Variants in FHOD3 observed in about 807,000 individuals in gnomAD.
FHOD3 encodes the protein formin homology 2 domain containing 3.
A neutral mutation model predicts 173.0 loss-of-function variants in FHOD3; 90 were observed. That is an observed-to-expected ratio of 0.52 (90% CI 0.44 to 0.62). The LOEUF is 0.62. FHOD3 is among the 20% of genes least tolerant of loss of function. The pLI is 0.00. For synonymous variants in FHOD3, 828 were observed against 823.0 expected, an observed-to-expected ratio of 1.01 and a Z score of -0.10; for missense variants, 1,945 against 2,034.7, an observed-to-expected ratio of 0.96 and a Z score of 0.85.
At chr18:36,370,057 G>A (rs1019109191) in intron 2 of FHOD3, among the ~76,000 whole-genome samples, 1 of 152,136 alleles carries the variant, frequency 6.6e-6, no homozygotes, top group African/African-American at 2.4e-5. Flanking sequence ...GGTAGGGAAG[G>A]GTGAGAGGTC....
In FHOD3 at chr18:36,416,387, A is replaced by G. The variant is rs528021135; in HGVS notation, c.337+43643A>G. On this transcript the variant is annotated intron_variant, in intron 3 of 28. Transcript: ENST00000590592. ...CACTGAAATATGAACAGGTGGCTTG[A>G]ACGTTATTTAGGAAGTGTGATGAGT... Among the ~76,000 whole-genome samples, 4 of 152,250 alleles carry G rather than the reference A, an allele frequency of 2.6e-5. No homozygotes were observed. In the East Asian group the frequency reaches 5.8e-4, roughly 22 times the overall value.
At chr18:36,774,315 T>C (rs1333304041) in intron 28 of FHOD3, among the ~76,000 whole-genome samples, 2 of 152,244 alleles carry the variant, frequency 1.3e-5, no homozygotes, top group Admixed American at 6.5e-5. Context: ...AGACCAGTGA[T>C]GGCAGAAAGC....
At chr18:36,423,860 C>T (rs112350966) in intron 3 of FHOD3, among the ~76,000 whole-genome samples, 2,292 of 152,294 alleles carry the variant, frequency 0.015, 59 homozygotes, top group African/African-American at 0.052. Context: ...CTGTTTTTCA[C>T]GGCAATCATC....
At position 36,654,080 on chromosome 18, in the gene FHOD3, C is replaced by G. The variant is rs577474435; in HGVS notation, c.1721+664C>G. Among the ~76,000 whole-genome samples, 3 of 152,116 alleles carry G rather than the reference C, an allele frequency of 2.0e-5. No homozygotes were observed. The East Asian group carries it at 5.8e-4, about 29-fold the overall frequency. ...TGTCATTTAGGCAGTCAGTCACTTTCTCTCCTTACTGCACTCACCACACCC... is the reference window on the plus strand; with the variant it reads ...TGTCATTTAGGCAGTCAGTCACTTTGTCTCCTTACTGCACTCACCACACCC... On this transcript the variant is annotated intron_variant, in intron 13 of 28. Transcript: ENST00000590592.
intron 17 of FHOD3, among the ~76,000 whole-genome samples, chr18:36,698,563 C>T (rs1043112766): frequency 6.6e-6 from 1 of 152,046 alleles, no homozygotes; most frequent in Non-Finnish European, 1.5e-5. Context: ...GCACTACAGC[C>T]TGGGTAACAG....
Position 36,769,464 on chromosome 18 carries a change from C to A in FHOD3, c.4786+38C>A, listed in dbSNP as rs750290090. The A allele has an allele frequency of 1.9e-6, 3 of 1,599,502 alleles. No homozygotes were observed. The South Asian group carries it at 3.4e-5, about 18-fold the overall frequency. ...AAGGAGGGGCGAGCCTTCACCCCTACAGGGATCTGCCCTCCCATTCTACGT... is the reference window on the plus strand; with the variant it reads ...AAGGAGGGGCGAGCCTTCACCCCTAAAGGGATCTGCCCTCCCATTCTACGT... On this transcript the variant is annotated intron_variant, in intron 28 of 28. Transcript: ENST00000590592.
At chr18:36,734,992 G>C (rs1452912528) in intron 20 of FHOD3, among the ~76,000 whole-genome samples, 1 of 152,172 alleles carries the variant, frequency 6.6e-6, no homozygotes, top group East Asian at 1.9e-4. Context: ...TATTAAACCA[G>C]AAAATCATTT....
intron 3 of FHOD3, among the ~76,000 whole-genome samples, chr18:36,380,573 T>TTTCCTTTCCTTTCCTTTCCTTTCC (rs1568196202): frequency 4.9e-4 from 39 of 80,030 alleles, no homozygotes; most frequent in East Asian, 3.2e-3. Context: ...TTTTCTTTTC[T>TTTCCTTTCCTTTCCTTTCCTTTCC]TTTCTTTTCC....
chr18:36,560,424 G>A (rs1158172911), intron 5 of FHOD3, among the ~76,000 whole-genome samples: 2 of 152,202 alleles, frequency 1.3e-5, no homozygotes, highest in African/African-American at 2.4e-5. Flanking sequence ...CAGTAGGGAT[G>A]GCCTCAAACA....
At chr18:36,590,391 T>C (rs991418064) in intron 6 of FHOD3, among the ~76,000 whole-genome samples, 6 of 139,210 alleles carry the variant, frequency 4.3e-5, no homozygotes, top group African/African-American at 1.6e-4. Flanking sequence ...CATAGAATTC[T>C]TTTGATGGAA....
At chr18:36,659,603 A>G (rs530021665) in intron 14 of FHOD3, among the ~76,000 whole-genome samples, 13 of 152,296 alleles carry the variant, frequency 8.5e-5, no homozygotes, top group South Asian at 8.3e-4. Context: ...GGCTCTGTTC[A>G]TTGGTGTGTT....
At chr18:36,614,781 T>A (rs2033030719) in intron 9 of FHOD3, among the ~76,000 whole-genome samples, 1 of 152,138 alleles carries the variant, frequency 6.6e-6, no homozygotes, top group African/African-American at 2.4e-5. Flanking sequence ...GCATATTGGC[T>A]GTCTGTATAG....
At chr18:36,646,701 T>A (rs1790598416) in intron 10 of FHOD3, among the ~76,000 whole-genome samples, 1 of 152,216 alleles carries the variant, frequency 6.6e-6, no homozygotes, top group Non-Finnish European at 1.5e-5. Context: ...AGATGGACTC[T>A]ACAAATGTAA....
intron 14 of FHOD3, among the ~76,000 whole-genome samples, chr18:36,659,680 TTAGC>T (rs940596276): frequency 1.3e-5 from 2 of 152,184 alleles, no homozygotes; most frequent in Non-Finnish European, 2.9e-5. Flanking sequence ...ATGGGGTGAC[TTAGC>T]TGCTCACTGC....
At chr18:36,459,857 T>C (rs140391546) in intron 3 of FHOD3, among the ~76,000 whole-genome samples, 4 of 152,292 alleles carry the variant, frequency 2.6e-5, no homozygotes, top group African/African-American at 9.6e-5. Context: ...CCTTTGTTTT[T>C]AGCTGATGCC....
At chr18:36,358,299 C>G (rs1255606730) in intron 2 of FHOD3, among the ~76,000 whole-genome samples, 1 of 152,248 alleles carries the variant, frequency 6.6e-6, no homozygotes. Context: ...TGGTCTAAAA[C>G]ACTGTCTCCA....
intron 1 of FHOD3, among the ~76,000 whole-genome samples, chr18:36,326,853 G>A (rs753493657): frequency 2.6e-5 from 4 of 152,118 alleles, no homozygotes; most frequent in African/African-American, 9.7e-5. Flanking sequence ...TCCAAAGAAC[G>A]TCGTTGGCTT....
At chr18:36,714,154 T>C (rs560233240) in intron 18 of FHOD3, among the ~76,000 whole-genome samples, 5 of 152,042 alleles carry the variant, frequency 3.3e-5, no homozygotes, top group Non-Finnish European at 7.4e-5. Flanking sequence ...GCAAAGGAAA[T>C]TACTAAGGAC....
At chr18:36,454,082 A>G (rs923221804) in intron 3 of FHOD3, among the ~76,000 whole-genome samples, 1 of 152,160 alleles carries the variant, frequency 6.6e-6, no homozygotes, top group Non-Finnish European at 1.5e-5. Flanking sequence ...TGTATTTTGC[A>G]TATGGATCAT....
Sources: gnomAD v4.1 joint callset for allele counts (sites outside exome capture counted in the v4.1 genomes callset) on GRCh38, gnomAD v4.1.1 for gene constraint, MANE v1.5 for transcripts, NCBI Gene and HGNC (gene_info 2026-07-23, HGNC 2026-07-21) for gene names.